The following PDGFRB variants were observed in gnomAD, a reference collection of about 807,000 sequenced individuals.
The protein encoded by PDGFRB is platelet-derived growth factor receptor beta.
A neutral mutation model predicts 120.2 loss-of-function variants in PDGFRB; 42 were observed. The observed-to-expected ratio is 0.35, with a 90% CI of 0.27 to 0.45. The LOEUF is 0.45. Ranked by LOEUF, PDGFRB falls within the 20% of genes least tolerant of loss-of-function variation. The pLI, the probability that PDGFRB is intolerant of heterozygous loss-of-function variation, is 1.00. For synonymous variants in PDGFRB, 586 were observed against 606.8 expected, an observed-to-expected ratio of 0.97 and a Z score of 0.50; for missense variants, 1,149 against 1,476.3, an observed-to-expected ratio of 0.78 and a Z score of 3.63.
At chr5:150,154,173 T>C (rs888560022) in intron 1 of PDGFRB, among the ~76,000 whole-genome samples, 10 of 151,600 alleles carry the variant, frequency 6.6e-5, no homozygotes, top group Admixed American at 4.6e-4. Context: ...CTGGAAGAGG[T>C]GGTGTATGGA....
intron 10 of PDGFRB, among the ~76,000 whole-genome samples, chr5:150,129,209 T>C (rs1431097537): frequency 2.6e-5 from 4 of 152,242 alleles, no homozygotes; most frequent in Non-Finnish European, 5.9e-5. Flanking sequence ...CTTGTACACA[T>C]GTACAGGAAT....
At chr5:150,155,157 G>T (rs1054319295) in intron 1 of PDGFRB, among the ~76,000 whole-genome samples, 1 of 152,162 alleles carries the variant, frequency 6.6e-6, no homozygotes, top group Non-Finnish European at 1.5e-5. Flanking sequence ...ATTGTTTGAT[G>T]AAGGCAGGAG....
At chr5:150,117,347 G>A (rs1018246586) in intron 22 of PDGFRB, among the ~76,000 whole-genome samples, 1 of 152,134 alleles carries the variant, frequency 6.6e-6, no homozygotes, top group African/African-American at 2.4e-5. Context: ...GATAACCTCT[G>A]GGGGCTCCCT....
chr5:150,126,354 G>C (rs930857104), intron 11 of PDGFRB, among the ~76,000 whole-genome samples, 166 bp downstream of exon 11: 3 of 152,174 alleles, frequency 2.0e-5, no homozygotes, highest in Non-Finnish European at 2.9e-5. Context: ...CAGACTGCTG[G>C]GGGTGGAGGA....
chr5:150,137,914 G>A (rs1199978484), intron 1 of PDGFRB, among the ~76,000 whole-genome samples: 1 of 152,100 alleles, frequency 6.6e-6, no homozygotes, highest in Non-Finnish European at 1.5e-5. Flanking sequence ...ACAGAGAGGA[G>A]GTGCCCAGAG....
intron 1 of PDGFRB, among the ~76,000 whole-genome samples, chr5:150,154,399 T>C (rs1490808639): frequency 6.6e-6 from 1 of 152,196 alleles, no homozygotes; most frequent in Admixed American, 6.5e-5. Context: ...GTTATGTGGC[T>C]GCGTGAGCCT....
At chr5:150,118,909 G>A (rs1760048443) in intron 20 of PDGFRB, 57 bp from the exon 21 acceptor site, 4 of 1,044,498 alleles carry the variant, frequency 3.8e-6, no homozygotes, top group Non-Finnish European at 4.4e-6. Context: ...GACAAGGCAG[G>A]GCTGGGGGAG....
intron 1 of PDGFRB, among the ~76,000 whole-genome samples, chr5:150,144,663 T>A (rs947807846): frequency 6.6e-6 from 1 of 152,164 alleles, no homozygotes; most frequent in African/African-American, 2.4e-5. Context: ...CTTGGAACAG[T>A]GCGTGGGAAA....
intron 1 of PDGFRB, chr5:150,153,264 G>A (rs566931675): frequency 6.6e-6 from 1 of 152,484 alleles, no homozygotes; most frequent in South Asian, 2.1e-4. Flanking sequence ...TGGGAGGAGG[G>A]TGCTGACCAG....
In PDGFRB at chr5:150,133,741, G is replaced by C; in HGVS notation, c.779C>G (p.Pro260Arg). 6.2e-7 allele frequency: 1 copy of C among 1,614,128 alleles called. No homozygotes were observed. The highest frequency in any genetic ancestry group is 1.7e-5 in the Admixed American group (1 of 60,028). ...PRKESGRLVE[P>R]VTDFLLDMPY... ...CATATCCAAGAGGAAGTCAGTCACC[G>C]GCTCCACCAGCCGCCCACTCTGCAG... Residue 260 changes from proline to arginine, a missense_variant, in exon 6 of 23, where the codon CCG becomes CGG. Pro to Arg is a moderately radical substitution (Grantham distance 103). Transcript: ENST00000261799.
intron 10 of PDGFRB, among the ~76,000 whole-genome samples, chr5:150,127,360 G>A (rs888095616): frequency 6.6e-6 from 1 of 152,196 alleles, no homozygotes; most frequent in African/African-American, 2.4e-5. Flanking sequence ...GAGGTCCTAT[G>A]GAACTCATTC....
intron 1 of PDGFRB, among the ~76,000 whole-genome samples, chr5:150,154,341 A>C (rs1761164820): frequency 6.6e-6 from 1 of 152,070 alleles, no homozygotes; most frequent in Non-Finnish European, 1.5e-5. Flanking sequence ...GGGCACGGGG[A>C]GATTCCAACC....
rs1459929655 is a variant in PDGFRB, at chr5:150,122,210, C to A, written c.2184-170G>T. The A allele has an allele frequency of 1.0e-5, 6 of 598,786 alleles. No individual in the cohort carries two copies. The East Asian group carries it at 1.7e-4, about 17-fold the overall frequency. The allele number at this position is 598,786 out of a possible 1,614,324, so 37.1% of individuals were successfully genotyped here. A position where few individuals can be genotyped will look rare whatever the true frequency, so the allele number is the denominator to read the frequency against. On this transcript the variant is annotated intron_variant, in intron 15 of 22. Transcript: ENST00000261799. ...AAGACTTTTCAACCAACCTGCTGGG[C>A]CAAGCTGGGCACTGAGGCTACCAAA...
rs375922340 is a variant in PDGFRB at position 150,117,684 on chromosome 5, G to A, written c.3071C>T (p.Pro1024Leu). The A allele has an allele frequency of 6.2e-7, 1 of 1,613,916 alleles. No individual in the cohort carries two copies. The highest frequency in any genetic ancestry group is 8.5e-7 in the Non-Finnish European group (1 of 1,179,872). ...AACCTCGGGTTTGGGGTCAGGCAGGGGGATGATATAGTCGTTGTCACCCTC... is the reference window on the plus strand; with the variant it reads ...AACCTCGGGTTTGGGGTCAGGCAGGAGGATGATATAGTCGTTGTCACCCTC... ...PNEGDNDYII[P>L]LPDPKPEVAD... The change falls in exon 22 of 23, where the codon CCC (proline) becomes CTC (leucine). Residue 1024 changes from proline (P) to leucine (L), a missense_variant. Physicochemically the swap from Pro to Leu is moderately conservative, Grantham distance 98. This residue lies in a region of PDGFRB where 202 missense variants were observed against 214.3 expected (regional missense o/e 0.94). Transcript: ENST00000261799.
In PDGFRB at chr5:150,133,942, A is replaced by T; in HGVS notation, c.698T>A (p.Leu233His). The change falls in exon 5 of 23, where the codon CTC (leucine) becomes CAC (histidine). Residue 233 changes from leucine to histidine, a missense_variant. This residue lies in a region of PDGFRB where 879 missense variants were observed against 1,108.6 expected (regional missense o/e 0.79). Coordinates refer to ENST00000261799, the MANE Select transcript of PDGFRB (RefSeq NM_002609.4). ...TVVRQGENITLMCIVIGNEVV... is the reference protein window; with the variant it reads ...TVVRQGENITHMCIVIGNEVV... The stretch of plus-strand genomic sequence containing the variant: ...CTCATTCCCGATCACAATGCACATG[A>T]GGGTGATGTTCTCACCCTGGCGGAC... 1 of 1,613,996 alleles carries T rather than the reference A, an allele frequency of 6.2e-7. No individual in the cohort carries two copies. Among genetic ancestry groups the T allele is most frequent in the Non-Finnish European group, 8.5e-7 (1 of 1,179,870 alleles).
chr5:150,135,946 C>T (rs1323466865), intron 2 of PDGFRB, 68 bp from the exon 3 acceptor site: 24 of 1,122,124 alleles, frequency 2.1e-5, no homozygotes, highest in Middle Eastern at 2.0e-4. Flanking sequence ...GCTGAGCCTG[C>T]GAGGAGGCCA....
intron 1 of PDGFRB, among the ~76,000 whole-genome samples, chr5:150,148,335 CGATATGAGA>C (rs1760980970): frequency 6.6e-6 from 1 of 152,214 alleles, no homozygotes; most frequent in Non-Finnish European, 1.5e-5. Flanking sequence ...AACGCTTACA[CGATATGAGA>C]GATTAAATGG....
chr5:150,121,928 T>C lies in PDGFRB; in HGVS notation c.2296A>G (p.Ile766Val). The C allele has an allele frequency of 6.2e-7, 1 of 1,613,602 alleles. No homozygotes were observed. The highest frequency in any genetic ancestry group is 8.5e-7 in the Non-Finnish European group (1 of 1,179,488). ...DMKGDVKYAD[I>V]ESSNYMAPYD... ...GGGGCCATGTAGTTGGAGGACTCGATGTCTGCATATTTGACGTCTCCTTTC... is the reference window on the plus strand; with the variant it reads ...GGGGCCATGTAGTTGGAGGACTCGACGTCTGCATATTTGACGTCTCCTTTC... Residue 766 changes from isoleucine (I) to valine (V), a missense_variant, in exon 16 of 23, where the codon ATC (isoleucine) becomes GTC (valine). By Grantham distance (29) the Ile-to-Val change is conservative. Around this residue, in one of 3 missense-constraint regions of PDGFRB, gnomAD observed 879 missense variants for 1,108.6 expected, o/e 0.79. Coordinates refer to ENST00000261799, the MANE Select transcript of PDGFRB (RefSeq NM_002609.4). The surrounding 1 kb of genome is among the most constrained non-coding windows in gnomAD (Gnocchi z 4.1).
In PDGFRB at chr5:150,123,061, C is replaced by T. The variant is rs142689325; in HGVS notation, c.2164G>A (p.Val722Ile). The T allele has an allele frequency of 2.8e-4, 451 of 1,613,178 alleles. No homozygotes were observed. The highest frequency in any genetic ancestry group is 3.7e-4 in the Non-Finnish European group (434 of 1,179,896). ...TGGTACCTGGGCAGGGGGAGCCCAA[C>T]GGGCAGAGCATTGCTGTAGAGCTCC... ...SAELYSNALP[V>I]GLPLPSHVSL... The change falls in exon 15 of 23, where the codon GTT becomes ATT. Residue 722 changes from valine (V) to isoleucine (I), a missense_variant. Coordinates refer to ENST00000261799, the MANE Select transcript of PDGFRB (RefSeq NM_002609.4).
Sources: allele counts gnomAD v4.1 joint callset (sites outside exome capture counted in the v4.1 genomes callset), GRCh38; gene constraint gnomAD v4.1.1; regional missense constraint gnomAD v4.1.1; non-coding constraint Gnocchi (gnomAD v3.1); transcripts MANE v1.5; gene names NCBI Gene and HGNC (gene_info 2026-07-23, HGNC 2026-07-21).